The following NT5C1A variants were observed in gnomAD, a reference collection of about 807,000 sequenced individuals.
The protein encoded by NT5C1A is cytosolic 5'-nucleotidase 1A.
Under a neutral mutation model 31.0 loss-of-function variants are expected in NT5C1A, and 18 were observed. That is an observed-to-expected ratio of 0.58 (90% CI 0.40 to 0.86). The LOEUF is 0.86. Among genes scored for constraint, NT5C1A ranks in the 40% least tolerant of loss-of-function variants. The pLI, the probability that NT5C1A is intolerant of heterozygous loss-of-function variation, is 0.00. For missense variants in NT5C1A, 470 were observed against 505.4 expected (o/e 0.93, Z 0.67); for synonymous variants, 185 against 203.6 (o/e 0.91, Z 0.78).
At chr1:39,664,997 C>T (rs757305110) in intron 3 of NT5C1A, among the ~76,000 whole-genome samples, 2 of 152,186 alleles carry the variant, frequency 1.3e-5, no homozygotes, top group African/African-American at 2.4e-5. Context: ...AAAGACACCC[C>T]TGTAACCTAA....
At chr1:39,670,279 A>G (rs1646544146) in intron 1 of NT5C1A, among the ~76,000 whole-genome samples, 2 of 152,218 alleles carry the variant, frequency 1.3e-5, no homozygotes, top group South Asian at 2.1e-4. Flanking sequence ...CCTGATTCAG[A>G]CCAATAAGTG....
rs1646444096 is a variant in NT5C1A, at chr1:39,653,568, A to G, written c.*5553T>C. Among the ~76,000 whole-genome samples, 1 of 152,188 alleles carries G rather than the reference A, an allele frequency of 6.6e-6. No homozygotes were observed. Among genetic ancestry groups the G allele is most frequent in the Non-Finnish European group, 1.5e-5 (1 of 68,034 alleles). ...GGGCATATTTAGCAAACATTTCCAG[A>G]GCACCTGAAGTCCTTTTTGGCTGGC... On this transcript the variant is annotated 3_prime_UTR_variant, in exon 6 of 6. Transcript: ENST00000235628.
chr1:39,651,863 C>G lies in NT5C1A; in HGVS notation c.*7258G>C, dbSNP rs1333901801. Among the ~76,000 whole-genome samples, 5 of 151,420 alleles carry G rather than the reference C, an allele frequency of 3.3e-5. No individual in the cohort carries two copies. The highest frequency in any genetic ancestry group is 2.4e-5 in the African/African-American group (1 of 41,226). ...TGGCCAATATGGTGAAACCCCATCTCTACTAAAAATACAAAAAATTAGCTG... is the reference window on the plus strand; with the variant it reads ...TGGCCAATATGGTGAAACCCCATCTGTACTAAAAATACAAAAAATTAGCTG... On this transcript the variant is annotated 3_prime_UTR_variant, in exon 6 of 6. Transcript: ENST00000235628.
At chr1:39,663,477 C>G (rs1458306228) in intron 3 of NT5C1A, 43 bp from the exon 4 acceptor site, 2 of 1,610,176 alleles carry the variant, frequency 1.2e-6, no homozygotes, top group Non-Finnish European at 1.7e-6. Context: ...AGGGTCAACC[C>G]TGGGCTTCAG....
In NT5C1A at chr1:39,652,746, C is replaced by G. The variant is rs775493902; in HGVS notation, c.*6375G>C. On this transcript the variant is annotated 3_prime_UTR_variant, in exon 6 of 6. Coordinates refer to ENST00000235628, the MANE Select transcript of NT5C1A (RefSeq NM_032526.3). ...GATGAGTAACTGAAAAGTTCCCAGC[C>G]ACATTTCACTTTTATAAATGGAATT... Among the ~76,000 whole-genome samples the G allele has an allele frequency of 9.2e-5, 14 of 152,092 alleles. No homozygotes were observed. The highest frequency in any genetic ancestry group is 1.8e-4 in the Non-Finnish European group (12 of 68,018).
chr1:39,667,574 A>T (rs1322303308), intron 1 of NT5C1A, among the ~76,000 whole-genome samples: 1 of 152,182 alleles, frequency 6.6e-6, no homozygotes, highest in Non-Finnish European at 1.5e-5. Context: ...TCCGTGGGTC[A>T]TGTACTCAAC....
intron 3 of NT5C1A, 47 bp from the exon 4 acceptor site, chr1:39,663,481 G>T (rs925112208): frequency 1.9e-6 from 3 of 1,605,768 alleles, no homozygotes; most frequent in Non-Finnish European, 2.6e-6. Flanking sequence ...TCAACCCTGG[G>T]CTTCAGGGCA....
At chr1:39,669,617 A>G (rs985291343) in intron 1 of NT5C1A, among the ~76,000 whole-genome samples, 5 of 152,100 alleles carry the variant, frequency 3.3e-5, no homozygotes, top group Non-Finnish European at 7.4e-5. Flanking sequence ...CTCCCAGAGA[A>G]CCATGAGAGT....
chr1:39,652,752 T>G lies in NT5C1A; in HGVS notation c.*6369A>C, dbSNP rs1646438781. 6.6e-6 allele frequency among the ~76,000 whole-genome samples: 1 copy of G among 152,098 alleles called. No homozygotes were observed. The highest frequency in any genetic ancestry group is 1.9e-4 in the East Asian group (1 of 5,200). On this transcript the variant is annotated 3_prime_UTR_variant, in exon 6 of 6. Coordinates refer to ENST00000235628, the MANE Select transcript of NT5C1A (RefSeq NM_032526.3). ...TAACTGAAAAGTTCCCAGCCACATT[T>G]CACTTTTATAAATGGAATTCCAAAG...
intron 1 of NT5C1A, 145 bp from the exon 2 acceptor site, chr1:39,666,381 G>A (rs1646522543): frequency 2.6e-6 from 2 of 755,312 alleles, no homozygotes; most frequent in South Asian, 1.9e-5. Context: ...GAGCAGATGT[G>A]GACTTAGGTC....
chr1:39,653,395 G>A lies in NT5C1A; in HGVS notation c.*5726C>T, dbSNP rs1251295509. 6.6e-6 allele frequency among the ~76,000 whole-genome samples: 1 copy of A among 152,090 alleles called. No individual in the cohort carries two copies. The highest frequency in any genetic ancestry group is 1.5e-5 in the Non-Finnish European group (1 of 68,012). The stretch of plus-strand genomic sequence containing the variant: ...TAGTGAGTACACACACACACACAGA[G>A]TCATTGGCTGAGATATCTGGCCCAT... On this transcript the variant is annotated 3_prime_UTR_variant, in exon 6 of 6. Coordinates refer to ENST00000235628, the MANE Select transcript of NT5C1A (RefSeq NM_032526.3).
chr1:39,665,564 A>G lies in NT5C1A; in HGVS notation c.390T>C (p.His130=). ...TGATGAGGCGGACACCCACTTGAGC[A>G]TGGTTGTTAGTCATGAGGACGATGT... ...VFDIVLMTNN[H]AQVGVRLINS... Residue 130 remains histidine, a synonymous_variant, in exon 3 of 6, where the codon CAT becomes CAC. Coordinates refer to ENST00000235628, the MANE Select transcript of NT5C1A (RefSeq NM_032526.3). The G allele has an allele frequency of 6.2e-7, 1 of 1,613,566 alleles. No homozygotes were observed. The highest frequency in any genetic ancestry group is 8.5e-7 in the Non-Finnish European group (1 of 1,179,942).
intron 1 of NT5C1A, among the ~76,000 whole-genome samples, chr1:39,669,471 C>T (rs538337013): frequency 6.6e-5 from 10 of 152,302 alleles, no homozygotes; most frequent in African/African-American, 2.4e-4. Context: ...ATATTTTACT[C>T]AGGCCCCTGG....
chr1:39,660,464 G>C (rs1239959786), intron 5 of NT5C1A, among the ~76,000 whole-genome samples: 1 of 152,202 alleles, frequency 6.6e-6, no homozygotes, highest in Non-Finnish European at 1.5e-5. Flanking sequence ...GAGGGTCCCT[G>C]TGCCCCCAGC....
At chr1:39,668,620 T>G (rs1223075395) in intron 1 of NT5C1A, among the ~76,000 whole-genome samples, 2 of 152,222 alleles carry the variant, frequency 1.3e-5, no homozygotes, top group Non-Finnish European at 2.9e-5. Context: ...CTATCCACAC[T>G]GCAGTCCCCT....
At position 39,655,195 on chromosome 1, in the gene NT5C1A, CT is replaced by C. The variant is rs1027702673; in HGVS notation, c.*3925del. ...GACCTTGTGATCCACCCGCCTTGGC[CT>C]CCCAAAGTGCTGGGATTACAGGCAT... On this transcript the variant is annotated 3_prime_UTR_variant, in exon 6 of 6. Coordinates refer to ENST00000235628, the MANE Select transcript of NT5C1A (RefSeq NM_032526.3). Among the ~76,000 whole-genome samples, 3 of 152,214 alleles carry C rather than the reference CT, an allele frequency of 2.0e-5. No individual in the cohort carries two copies. Among genetic ancestry groups the C allele is most frequent in the African/African-American group, 7.2e-5 (3 of 41,464 alleles).
chr1:39,662,745 T>C (rs1053904159), intron 4 of NT5C1A, among the ~76,000 whole-genome samples: 26 of 152,330 alleles, frequency 1.7e-4, no homozygotes, highest in African/African-American at 5.3e-4. Flanking sequence ...TTGGGAGGAC[T>C]GAGACTATGG....
rs1646474549 is a variant in NT5C1A at position 39,658,629 on chromosome 1, C to G, written c.*492G>C. 6.6e-6 allele frequency among the ~76,000 whole-genome samples: 1 copy of G among 152,184 alleles called. No individual in the cohort carries two copies. The highest frequency in any genetic ancestry group is 1.5e-5 in the Non-Finnish European group (1 of 68,036). ...CTTCTAAGAGGGCGATCTTAAAGAACCAAGCTTCTTTGGCTAAAAGGGAGC... is the reference window on the plus strand; with the variant it reads ...CTTCTAAGAGGGCGATCTTAAAGAAGCAAGCTTCTTTGGCTAAAAGGGAGC... On this transcript the variant is annotated 3_prime_UTR_variant, in exon 6 of 6. Coordinates refer to ENST00000235628, the MANE Select transcript of NT5C1A (RefSeq NM_032526.3).
Position 39,656,231 on chromosome 1 carries a change from T to G in NT5C1A, c.*2890A>C, listed in dbSNP as rs187366490. Among the ~76,000 whole-genome samples, 19 of 152,320 alleles carry G rather than the reference T, an allele frequency of 1.2e-4. No individual in the cohort carries two copies. Among genetic ancestry groups the G allele is most frequent in the African/African-American group, 4.6e-4 (19 of 41,576 alleles). ...AGAAGCCGTGGCTGCTCCACCTCAGTGCTGCATTCCCTGGTTAGGCCTGGG... is the reference window on the plus strand; with the variant it reads ...AGAAGCCGTGGCTGCTCCACCTCAGGGCTGCATTCCCTGGTTAGGCCTGGG... On this transcript the variant is annotated 3_prime_UTR_variant, in exon 6 of 6. Transcript: ENST00000235628.
Sources: allele counts gnomAD v4.1 joint callset (sites outside exome capture counted in the v4.1 genomes callset), GRCh38; gene constraint gnomAD v4.1.1; transcripts MANE v1.5; gene names NCBI Gene and HGNC (gene_info 2026-07-23, HGNC 2026-07-21).